DNM3: variants seen among roughly 807,000 people sequenced by gnomAD.
DNM3 encodes dynamin 3, also known as dynamin-3.
DNM3 carries 47 observed loss-of-function variants against 101.6 expected under a neutral mutation model. The ratio of observed to expected loss-of-function variants is 0.46; its 90% CI spans 0.37 to 0.59. The LOEUF (loss-of-function observed/expected upper bound fraction) is 0.59. Ranked by LOEUF, DNM3 falls within the 20% of genes least tolerant of loss-of-function variation. The probability of loss-of-function intolerance (pLI) is 0.00; values close to 1 mark genes in which losing one functional copy is unlikely to be tolerated. For missense variants in DNM3, 849 were observed against 1,085.7 expected, an observed-to-expected ratio of 0.78 and a Z score of 3.06; for synonymous variants, 385 against 387.9, an observed-to-expected ratio of 0.99 and a Z score of 0.09.
At chr1:172,066,598 G>A (rs1284556376) in intron 10 of DNM3, among the ~76,000 whole-genome samples, 1 of 152,136 alleles carries the variant, frequency 6.6e-6, no homozygotes, top group Non-Finnish European at 1.5e-5. Flanking sequence ...TGTCAATATA[G>A]CCACATTGGG....
intron 17 of DNM3, among the ~76,000 whole-genome samples, chr1:172,377,503 T>C (rs1229388738): frequency 1.3e-5 from 2 of 149,436 alleles, no homozygotes; most frequent in Admixed American, 6.7e-5. Context: ...ATATAGAAGA[T>C]GTTTTCTTCA....
chr1:172,234,758 C>A (rs2061473193), intron 14 of DNM3, among the ~76,000 whole-genome samples: 1 of 151,506 alleles, frequency 6.6e-6, no homozygotes, highest in African/African-American at 2.4e-5. Flanking sequence ...ATCTTCGACA[C>A]CTATTTAATA....
chr1:172,032,521 C>T, intron 5 of DNM3, 21 bp downstream of exon 5: 2 of 481,246 alleles, frequency 4.2e-6, no homozygotes. Context: ...GTGGTCTATA[C>T]AAGACTTTTT....
chr1:172,339,707 G>A (rs2066604751), intron 17 of DNM3, among the ~76,000 whole-genome samples: 1 of 152,110 alleles, frequency 6.6e-6, no homozygotes, highest in African/African-American at 2.4e-5. Context: ...TGCTTGTCCT[G>A]CCTGTTGGAG....
At chr1:172,288,938 C>T (rs1480839179) in intron 15 of DNM3, among the ~76,000 whole-genome samples, 2 of 152,122 alleles carry the variant, frequency 1.3e-5, no homozygotes, top group Non-Finnish European at 2.9e-5. Flanking sequence ...AAAATCCTAG[C>T]TGGTAGTAAT....
intron 14 of DNM3, among the ~76,000 whole-genome samples, chr1:172,214,771 AT>A (rs529195732): frequency 7.2e-5 from 11 of 151,976 alleles, no homozygotes; most frequent in South Asian, 6.2e-4. Context: ...TAAATCAGCC[AT>A]TTTTTTTCAA....
intron 2 of DNM3, among the ~76,000 whole-genome samples, chr1:171,981,427 A>G (rs1218922256): frequency 1.3e-5 from 2 of 152,228 alleles, no homozygotes; most frequent in Non-Finnish European, 2.9e-5. Flanking sequence ...AGACATATAC[A>G]TATTTTTACT....
At chr1:172,368,946 C>T (rs1216511406) in intron 17 of DNM3, among the ~76,000 whole-genome samples, 1 of 151,812 alleles carries the variant, frequency 6.6e-6, no homozygotes, top group African/African-American at 2.4e-5. Context: ...AAATGGAAAA[C>T]TTGAACAGAA....
At chr1:172,316,265 T>C (rs1371198539) in intron 16 of DNM3, among the ~76,000 whole-genome samples, 1 of 151,868 alleles carries the variant, frequency 6.6e-6, no homozygotes, top group Non-Finnish European at 1.5e-5. Context: ...GAAAAACCGG[T>C]ACCAGCCACT....
chr1:172,321,747 C>T (rs1258460776), intron 16 of DNM3, among the ~76,000 whole-genome samples: 1 of 152,144 alleles, frequency 6.6e-6, no homozygotes, highest in African/African-American at 2.4e-5. Flanking sequence ...TTTGGTAGAT[C>T]AAAAGCTGCA....
chr1:172,364,308 A>G (rs2227200), intron 17 of DNM3, among the ~76,000 whole-genome samples: 71,037 of 151,670 alleles, frequency 0.47, 19,830 homozygotes, highest in East Asian at 0.87. Context: ...TAAGGGGGTC[A>G]TTTTCTGCTG....
chr1:171,960,709 TTGG>T (rs761405991), intron 2 of DNM3, among the ~76,000 whole-genome samples: 4 of 152,108 alleles, frequency 2.6e-5, no homozygotes, highest in Non-Finnish European at 5.9e-5. Flanking sequence ...TAGGGAATGC[TTGG>T]TGGAGCACAA....
intron 9 of DNM3, among the ~76,000 whole-genome samples, chr1:172,044,691 T>A (rs892625394): frequency 2.0e-5 from 3 of 152,120 alleles, no homozygotes; most frequent in African/African-American, 7.2e-5. Context: ...CTCTGCACAA[T>A]AGGGGATTCG....
intron 11 of DNM3, among the ~76,000 whole-genome samples, chr1:172,078,719 G>T (rs559174138): frequency 6.6e-6 from 1 of 152,064 alleles, no homozygotes; most frequent in East Asian, 1.9e-4. Context: ...TTATAGTGTC[G>T]ATTTTTTTTA....
At chr1:172,398,778 G>A (rs1157785325) in intron 20 of DNM3, among the ~76,000 whole-genome samples, 1 of 152,132 alleles carries the variant, frequency 6.6e-6, no homozygotes, top group Non-Finnish European at 1.5e-5. Flanking sequence ...GGTTTTCATA[G>A]ATTTTCCGTC....
At chr1:172,224,153 G>A (rs1019686305) in intron 14 of DNM3, among the ~76,000 whole-genome samples, 1 of 152,044 alleles carries the variant, frequency 6.6e-6, no homozygotes, top group South Asian at 2.1e-4. Context: ...AGCCTGATAG[G>A]CTATTCTGCC....
intron 10 of DNM3, among the ~76,000 whole-genome samples, chr1:172,049,801 A>G (rs1365300526): frequency 6.6e-6 from 1 of 152,150 alleles, no homozygotes; most frequent in African/African-American, 2.4e-5. Context: ...AATGAGAGGG[A>G]CAGAGAATGA....
chr1:172,070,616 G>A (rs539760011), intron 11 of DNM3, among the ~76,000 whole-genome samples: 3 of 152,156 alleles, frequency 2.0e-5, no homozygotes, highest in African/African-American at 7.2e-5. Context: ...TCACCATGTT[G>A]TTAAGATTGT....
chr1:171,929,092 G>A (rs910398093), intron 2 of DNM3, among the ~76,000 whole-genome samples: 4 of 152,138 alleles, frequency 2.6e-5, no homozygotes, highest in African/African-American at 9.7e-5. Flanking sequence ...TAGAAAAGCG[G>A]TCTGGCTATG....
Sources: gnomAD v4.1 joint callset for allele counts (sites outside exome capture counted in the v4.1 genomes callset) on GRCh38, gnomAD v4.1.1 for gene constraint, MANE v1.5 for transcripts, NCBI Gene and HGNC (gene_info 2026-07-23, HGNC 2026-07-21) for gene names.